Variants in HCN1 observed in about 807,000 individuals in gnomAD.
HCN1 encodes potassium/sodium hyperpolarization-activated cyclic nucleotide-gated channel 1.
HCN1 carries 13 observed loss-of-function variants against 78.9 expected under a neutral mutation model. The ratio of observed to expected loss-of-function variants is 0.16; its 90% CI spans 0.11 to 0.26. The LOEUF is 0.26. Ranked by LOEUF, HCN1 falls within the 10% of genes least tolerant of loss-of-function variation. The pLI, the probability that HCN1 is intolerant of heterozygous loss-of-function variation, is 1.00. For synonymous variants in HCN1, 552 were observed against 455.5 expected, an observed-to-expected ratio of 1.21 and a Z score of -2.70; for missense variants, 810 against 1,154.3, an observed-to-expected ratio of 0.70 and a Z score of 4.32.
chr5:45,547,673 T>C (rs1432482333), intron 2 of HCN1, among the ~76,000 whole-genome samples: 1 of 151,984 alleles, frequency 6.6e-6, no homozygotes, highest in Non-Finnish European at 1.5e-5. Flanking sequence ...TATTTTGTAC[T>C]GCAATTTTTT....
At chr5:45,329,668 G>A (rs1024534820) in intron 5 of HCN1, among the ~76,000 whole-genome samples, 1 of 151,344 alleles carries the variant, frequency 6.6e-6, no homozygotes, top group Non-Finnish European at 1.5e-5. Flanking sequence ...ATGGGGAATA[G>A]GTATTTTGGA....
intron 2 of HCN1, among the ~76,000 whole-genome samples, chr5:45,549,660 A>C (rs1023475678): frequency 6.6e-6 from 1 of 152,118 alleles, no homozygotes; most frequent in Admixed American, 6.6e-5. Flanking sequence ...ATCTAATTAA[A>C]CTCAAGAGCT....
chr5:45,601,682 T>G (rs924742055), intron 2 of HCN1, among the ~76,000 whole-genome samples: 2 of 152,148 alleles, frequency 1.3e-5, no homozygotes, highest in African/African-American at 2.4e-5. Context: ...ATTAGTTGTA[T>G]TCAGGCATTC....
chr5:45,660,102 C>G (rs913712836), intron 1 of HCN1, among the ~76,000 whole-genome samples: 16 of 119,818 alleles, frequency 1.3e-4, no homozygotes, highest in Non-Finnish European at 2.4e-4. Flanking sequence ...AACAGCGGAT[C>G]TCTCGGCAGA....
chr5:45,683,322 T>C lies in HCN1; in HGVS notation c.425+12347A>G, dbSNP rs141125184. 7.2e-5 allele frequency among the ~76,000 whole-genome samples: 11 copies of C among 152,274 alleles called. No individual in the cohort carries two copies. In the East Asian group the frequency reaches 1.9e-3, roughly 27 times the overall value. ...TTTCTTTTATAGATTCCAATCATTG[T>C]TGATATATAGGAAAGTTACTGATAT... is the stretch of plus-strand genomic sequence containing the variant. On this transcript the variant is annotated intron_variant, in intron 1 of 7. Transcript: ENST00000303230.
chr5:45,277,164 T>G (rs576304917), intron 6 of HCN1, among the ~76,000 whole-genome samples: 12 of 152,088 alleles, frequency 7.9e-5, no homozygotes, highest in Admixed American at 7.2e-4. Flanking sequence ...TCTCTACATA[T>G]CTTGCCATTT....
At chr5:45,627,630 C>A (rs910577501) in intron 2 of HCN1, among the ~76,000 whole-genome samples, 1 of 152,142 alleles carries the variant, frequency 6.6e-6, no homozygotes, top group African/African-American at 2.4e-5. Context: ...ATCATGTCTA[C>A]TTTGCACCAC....
At chr5:45,418,423 A>G (rs1372905575) in intron 3 of HCN1, among the ~76,000 whole-genome samples, 1 of 149,574 alleles carries the variant, frequency 6.7e-6, no homozygotes, top group Non-Finnish European at 1.5e-5. Flanking sequence ...GATAGGCTAA[A>G]AACTATCACC....
intron 5 of HCN1, among the ~76,000 whole-genome samples, chr5:45,308,913 G>A (rs747301811): frequency 6.6e-6 from 1 of 152,128 alleles, no homozygotes; most frequent in Non-Finnish European, 1.5e-5. Flanking sequence ...AATGTCAGCG[G>A]TAGTTTAATG....
At chr5:45,347,080 C>A (rs1746736192) in intron 5 of HCN1, among the ~76,000 whole-genome samples, 2 of 152,174 alleles carry the variant, frequency 1.3e-5, no homozygotes, top group African/African-American at 2.4e-5. Flanking sequence ...GGTCCCTGAC[C>A]CCTGATCCCC....
intron 5 of HCN1, among the ~76,000 whole-genome samples, chr5:45,332,722 A>T (rs13168931): frequency 0.32 from 49,127 of 151,456 alleles, 10,302 homozygotes; most frequent in African/African-American, 0.58. Flanking sequence ...ATTCCACAAA[A>T]AAGTGAGAAT....
At chr5:45,501,433 T>G (rs867397077) in intron 2 of HCN1, among the ~76,000 whole-genome samples, 3 of 152,100 alleles carry the variant, frequency 2.0e-5, no homozygotes, top group African/African-American at 4.8e-5. Flanking sequence ...TCACTTTTTT[T>G]TTGTTTGTTT....
chr5:45,309,545 T>C (rs1472113989), intron 5 of HCN1, among the ~76,000 whole-genome samples: 1 of 152,184 alleles, frequency 6.6e-6, no homozygotes, highest in East Asian at 1.9e-4. Context: ...GTTCCTTCAA[T>C]ACCTAATTTA....
chr5:45,487,006 T>C (rs1051614621), intron 2 of HCN1, among the ~76,000 whole-genome samples: 31 of 152,100 alleles, frequency 2.0e-4, no homozygotes, highest in Admixed American at 3.3e-4. Flanking sequence ...TATGTTTCCA[T>C]TGGTGTTTCC....
intron 2 of HCN1, among the ~76,000 whole-genome samples, chr5:45,615,695 A>C (rs1744935944): frequency 1.3e-5 from 2 of 151,972 alleles, no homozygotes; most frequent in Admixed American, 1.3e-4. Context: ...AAAATCATGA[A>C]ACTAACTTTA....
chr5:45,311,726 G>A (rs975080585), intron 5 of HCN1, among the ~76,000 whole-genome samples: 3 of 152,174 alleles, frequency 2.0e-5, no homozygotes, highest in Admixed American at 2.0e-4. Context: ...CTTTGCATAA[G>A]GTTTCTCATT....
At chr5:45,357,515 G>A (rs755710071) in intron 4 of HCN1, among the ~76,000 whole-genome samples, 6 of 151,652 alleles carry the variant, frequency 4.0e-5, no homozygotes, top group Non-Finnish European at 8.8e-5. Flanking sequence ...CCTCCTTTTC[G>A]TTGATCATTT....
chr5:45,585,503 C>A (rs917451523), intron 2 of HCN1, among the ~76,000 whole-genome samples: 5 of 152,002 alleles, frequency 3.3e-5, no homozygotes, highest in African/African-American at 7.2e-5. Context: ...GTAGTTTGAT[C>A]GTCTGAAGCC....
At chr5:45,649,477 T>C (rs1242149659) in intron 1 of HCN1, among the ~76,000 whole-genome samples, 1 of 152,112 alleles carries the variant, frequency 6.6e-6, no homozygotes. Flanking sequence ...GTACATTCTA[T>C]GGTTTGGGCA....
Sources: allele counts gnomAD v4.1 joint callset (sites outside exome capture counted in the v4.1 genomes callset), GRCh38; gene constraint gnomAD v4.1.1; transcripts MANE v1.5; gene names NCBI Gene and HGNC (gene_info 2026-07-23, HGNC 2026-07-21).